FAF1: variants seen among roughly 807,000 people sequenced by gnomAD.
FAF1 encodes the protein FAS-associated factor 1.
FAF1 carries 25 observed loss-of-function variants against 92.5 expected under a neutral mutation model. That is an observed-to-expected ratio of 0.27 (90% CI 0.20 to 0.38). FAF1 has a LOEUF of 0.38. Ranked by LOEUF, FAF1 falls within the 10% of genes least tolerant of loss-of-function variation. The pLI is 1.00. For missense variants in FAF1, 636 were observed against 793.3 expected (o/e 0.80, Z 2.38); for synonymous variants, 234 against 273.2 (o/e 0.86, Z 1.42).
chr1:50,916,508 T>C (rs1644919724), intron 1 of FAF1, among the ~76,000 whole-genome samples: 1 of 152,212 alleles, frequency 6.6e-6, no homozygotes, highest in Non-Finnish European at 1.5e-5. Flanking sequence ...GAAAGTGCTT[T>C]CTCAGAGTTC....
At chr1:50,490,456 G>A (rs571706438) in intron 17 of FAF1, 132 bp downstream of exon 17, 1 of 276,646 alleles carries the variant, frequency 3.6e-6, no homozygotes, top group East Asian at 3.7e-5. Flanking sequence ...AGGAAGGAAG[G>A]AAGGAAAAAG....
chr1:50,584,851 G>A, intron 9 of FAF1, 40 bp from the exon 10 acceptor site: 1 of 1,594,658 alleles, frequency 6.3e-7, no homozygotes, highest in Admixed American at 1.7e-5. Context: ...TATTGATTTT[G>A]GCCTATCAAA....
intron 14 of FAF1, among the ~76,000 whole-genome samples, chr1:50,535,726 G>A (rs532143814): frequency 6.6e-6 from 1 of 152,114 alleles, no homozygotes; most frequent in East Asian, 1.9e-4. Context: ...CTATATAGAA[G>A]AATGTCCAAA....
At chr1:50,610,938 T>C (rs970858431) in intron 8 of FAF1, among the ~76,000 whole-genome samples, 7 of 152,168 alleles carry the variant, frequency 4.6e-5, no homozygotes, top group African/African-American at 1.2e-4. Context: ...GCAGGTTGCA[T>C]AAAAAACATT....
intron 8 of FAF1, among the ~76,000 whole-genome samples, chr1:50,598,158 T>C (rs559308675): frequency 8.5e-5 from 13 of 152,124 alleles, no homozygotes; most frequent in African/African-American, 3.1e-4. Context: ...TAGCTGGGTA[T>C]GGGGGTGCAC....
intron 9 of FAF1, among the ~76,000 whole-genome samples, chr1:50,592,814 T>G (rs138444756): frequency 6.6e-6 from 1 of 152,190 alleles, no homozygotes; most frequent in Non-Finnish European, 1.5e-5. Context: ...GGCACATGCC[T>G]GTAGTCCCTG....
intron 1 of FAF1, among the ~76,000 whole-genome samples, chr1:50,902,530 C>G (rs1313793414): frequency 6.6e-6 from 1 of 152,148 alleles, no homozygotes; most frequent in Admixed American, 6.5e-5. Context: ...GGCTCACACT[C>G]TATTTTGGAC....
At chr1:50,692,481 A>G (rs1030064418) in intron 7 of FAF1, among the ~76,000 whole-genome samples, 2 of 152,116 alleles carry the variant, frequency 1.3e-5, no homozygotes, top group South Asian at 2.1e-4. Context: ...AGCCTCTGGT[A>G]ATCACTGTTC....
intron 1 of FAF1, among the ~76,000 whole-genome samples, chr1:50,923,622 C>T (rs1195228003): frequency 3.3e-5 from 5 of 151,816 alleles, no homozygotes; most frequent in African/African-American, 4.8e-5. Flanking sequence ...AAGAACACAA[C>T]AAAAAAAGAA....
At chr1:50,826,412 C>G (rs909910824) in intron 2 of FAF1, among the ~76,000 whole-genome samples, 6 of 151,914 alleles carry the variant, frequency 3.9e-5, no homozygotes, top group Non-Finnish European at 8.8e-5. Context: ...TAGCTGGGCA[C>G]AGTGGCACAC....
At chr1:50,890,246 T>C (rs940843573) in intron 1 of FAF1, among the ~76,000 whole-genome samples, 1 of 152,232 alleles carries the variant, frequency 6.6e-6, no homozygotes, top group South Asian at 2.1e-4. Flanking sequence ...ATTTTGACCC[T>C]ATGTGTGTCT....
intron 2 of FAF1, among the ~76,000 whole-genome samples, chr1:50,846,178 T>C (rs1644297175): frequency 6.6e-6 from 1 of 151,768 alleles, no homozygotes; most frequent in South Asian, 2.1e-4. Flanking sequence ...AGGCATAAAA[T>C]CTATTTGCCT....
At position 50,788,247 on chromosome 1, in the gene FAF1, C is replaced by A. The variant is rs1432066937; in HGVS notation, c.162-42G>T. ...AAAGAAGGATTATTGTCAACTAAAT[C>A]ATTACAGAATACTACTAGGGACCCT... On this transcript the variant is annotated intron_variant, in intron 3 of 18. Transcript: ENST00000396153. 2.0e-6 allele frequency: 3 copies of A among 1,532,734 alleles called. No homozygotes were observed. The South Asian group carries it at 3.4e-5, about 17-fold the overall frequency. The allele number at this position is 1,532,734 out of a possible 1,614,324, so 94.9% of individuals were successfully genotyped here. A position where few individuals can be genotyped will look rare whatever the true frequency, so the allele number is the denominator to read the frequency against.
intron 8 of FAF1, among the ~76,000 whole-genome samples, chr1:50,619,083 C>T (rs751441213): frequency 9.2e-5 from 14 of 152,110 alleles, no homozygotes; most frequent in African/African-American, 1.9e-4. Flanking sequence ...TTTATTTCTG[C>T]GTGGTAGATC....
rs1482947809 is a variant in FAF1, at chr1:50,567,136, A to G, written c.1209T>C (p.Tyr403=). 2.5e-6 allele frequency: 4 copies of G among 1,610,558 alleles called. No homozygotes were observed. The highest frequency in any genetic ancestry group is 3.4e-6 in the Non-Finnish European group (4 of 1,177,692). Residue 403 remains tyrosine (Y), a synonymous_variant, in exon 13 of 19, where the codon TAT becomes TAC. Coordinates refer to ENST00000396153, the MANE Select transcript of FAF1 (RefSeq NM_007051.3). ...QMLCAESIVS[Y]LSQNFITWAW... ...CCCAGGTTATAAAATTTTGACTCAG[A>G]TAAGAAACAATGGATTCAGCACAAA...
intron 1 of FAF1, among the ~76,000 whole-genome samples, chr1:50,895,967 T>G (rs1204357695): frequency 6.6e-6 from 1 of 152,110 alleles, no homozygotes; most frequent in African/African-American, 2.4e-5. Flanking sequence ...AAACTAAAAG[T>G]CTTTCTTCTA....
intron 8 of FAF1, among the ~76,000 whole-genome samples, chr1:50,627,063 A>G (rs1430455270): frequency 6.6e-6 from 1 of 152,148 alleles, no homozygotes. Context: ...AATTTTGGAT[A>G]TGGTAAATTT....
intron 4 of FAF1, among the ~76,000 whole-genome samples, chr1:50,748,278 C>T (rs1333444738): frequency 4.0e-5 from 6 of 151,604 alleles, no homozygotes; most frequent in African/African-American, 1.5e-4. Flanking sequence ...GGCAGATCAA[C>T]TGAGGTCAGG....
chr1:50,504,470 A>G (rs1460520462), intron 15 of FAF1, among the ~76,000 whole-genome samples: 1 of 152,210 alleles, frequency 6.6e-6, no homozygotes, highest in Non-Finnish European at 1.5e-5. Flanking sequence ...ACAGAAAAAT[A>G]AAATATGAAA....
Sources: allele counts gnomAD v4.1 joint callset (sites outside exome capture counted in the v4.1 genomes callset), GRCh38; gene constraint gnomAD v4.1.1; transcripts MANE v1.5; gene names NCBI Gene and HGNC (gene_info 2026-07-23, HGNC 2026-07-21).